MOCOS: variants seen among roughly 807,000 people sequenced by gnomAD.
MOCOS encodes human molybdenum cofactor sulfurase.
In MOCOS, 86 loss-of-function variants were observed where a neutral mutation model predicts 83.6. That is an observed-to-expected ratio of 1.03 (90% CI 0.86 to 1.23). The LOEUF (loss-of-function observed/expected upper bound fraction) is 1.23. Among genes scored for constraint, MOCOS ranks in the 50% most tolerant of loss-of-function variants. The pLI, the probability that MOCOS is intolerant of heterozygous loss-of-function variation, is 0.00. For missense variants in MOCOS, 1,120 were observed against 1,126.9 expected (o/e 0.99, Z 0.09); for synonymous variants, 445 against 434.7 (o/e 1.02, Z -0.29).
intron 13 of MOCOS, among the ~76,000 whole-genome samples, chr18:36,262,802 G>A (rs1396064400): frequency 6.6e-6 from 1 of 152,224 alleles, no homozygotes; most frequent in Non-Finnish European, 1.5e-5. Context: ...TGGCAATACT[G>A]TGCCTTTCAA....
chr18:36,264,710 G>A (rs76218040), intron 13 of MOCOS, among the ~76,000 whole-genome samples: 21 of 152,046 alleles, frequency 1.4e-4, no homozygotes, highest in South Asian at 4.2e-4. Context: ...TCTTGACTTC[G>A]GTACCACAGG....
At chr18:36,266,973 G>C in intron 14 of MOCOS, 120 bp downstream of exon 14, 1 of 815,316 alleles carries the variant, frequency 1.2e-6, no homozygotes, top group Non-Finnish European at 2.1e-6. Flanking sequence ...CCCATCCAAA[G>C]CTGTTGGGCT....
In MOCOS at chr18:36,248,908, C is replaced by G; in HGVS notation, c.1961-14C>G. The G allele has an allele frequency of 6.2e-7, 1 of 1,609,898 alleles. No individual in the cohort carries two copies. Among genetic ancestry groups the G allele is most frequent in the South Asian group, 1.1e-5 (1 of 90,966 alleles). On this transcript the variant is annotated splice_polypyrimidine_tract_variant and intron_variant, in intron 9 of 14. Transcript: ENST00000261326. ...TACATAATGATAAATTTGTTTTTAA[C>G]CTTTGTTCATTAGGGATGGAGCCTA...
rs1370376935 is a variant in MOCOS at position 36,248,933 on chromosome 18, A to G, written c.1972A>G (p.Ile658Val). The change falls in exon 10 of 15, where the codon ATA (isoleucine) becomes GTA (valine). Residue 658 changes from isoleucine to valine, a missense_variant. Ile to Val is a conservative substitution (Grantham distance 29, BLOSUM62 3). Coordinates refer to ENST00000261326, the MANE Select transcript of MOCOS (RefSeq NM_017947.4). Reference sequence around the variant, plus strand: ...CCTTTGTTCATTAGGGATGGAGCCTATAGAGGTGCCTCTTGAGGAAAATAG... The same window carrying G: ...CCTTTGTTCATTAGGGATGGAGCCTGTAGAGGTGCCTCTTGAGGAAAATAG... ...MVIKAKGMEP[I>V]EVPLEENSER... The G allele has an allele frequency of 4.3e-6, 7 of 1,613,990 alleles. No homozygotes were observed. The highest frequency in any genetic ancestry group is 1.3e-5 in the African/African-American group (1 of 75,056).
At chr18:36,243,716 C>G (rs1034160009) in intron 9 of MOCOS, among the ~76,000 whole-genome samples, 4 of 152,038 alleles carry the variant, frequency 2.6e-5, no homozygotes, top group African/African-American at 7.2e-5. Context: ...GAATGTCTGA[C>G]AGAATTCAGC....
In MOCOS at chr18:36,187,689, G is replaced by A. The variant is rs752823862; in HGVS notation, c.142+8G>A. ...AGTTCAGCCGCCTGGCAGGTGAGGCGGGCGGGCAGGCTTGGGGGACACGAG... is the reference window on the plus strand; with the variant it reads ...AGTTCAGCCGCCTGGCAGGTGAGGCAGGCGGGCAGGCTTGGGGGACACGAG... On this transcript the variant is annotated splice_region_variant and intron_variant, in intron 1 of 14. Coordinates refer to ENST00000261326, the MANE Select transcript of MOCOS (RefSeq NM_017947.4). 14 of 1,265,552 alleles carry A rather than the reference G, an allele frequency of 1.1e-5. No homozygotes were observed. The African/African-American group carries it at 2.0e-4, about 18-fold the overall frequency. 78.4% of individuals were successfully genotyped at this position (1,265,552 alleles called of 1,614,324 possible).
chr18:36,207,225 C>T (rs1217019321), intron 6 of MOCOS, among the ~76,000 whole-genome samples: 1 of 152,014 alleles, frequency 6.6e-6, no homozygotes, highest in African/African-American at 2.4e-5. Flanking sequence ...TTAGTAGAGA[C>T]AGGGTTTCAC....
intron 1 of MOCOS, among the ~76,000 whole-genome samples, chr18:36,192,996 G>C (rs73430928): frequency 0.15 from 22,359 of 152,034 alleles, 1,861 homozygotes; most frequent in East Asian, 0.32. Flanking sequence ...ATCACACTTT[G>C]CAGTTTCAAA....
chr18:36,234,365 C>G (rs751061045), intron 9 of MOCOS, among the ~76,000 whole-genome samples: 1 of 152,132 alleles, frequency 6.6e-6, no homozygotes, highest in Non-Finnish European at 1.5e-5. Flanking sequence ...TTTCTGGGTT[C>G]TTTATTCTGT....
intron 13 of MOCOS, among the ~76,000 whole-genome samples, chr18:36,265,351 T>C (rs561530874): frequency 3.5e-4 from 54 of 152,354 alleles, no homozygotes; most frequent in Admixed American, 1.7e-3. Flanking sequence ...ACTCCCTGCC[T>C]TCGTGCCATC....
At chr18:36,189,352 G>C (rs376321156) in intron 1 of MOCOS, among the ~76,000 whole-genome samples, 2 of 152,150 alleles carry the variant, frequency 1.3e-5, no homozygotes, top group African/African-American at 2.4e-5. Context: ...TCTACATTAC[G>C]GTTAAAGCAG....
intron 9 of MOCOS, among the ~76,000 whole-genome samples, chr18:36,233,772 T>C (rs1230135597): frequency 6.6e-6 from 1 of 152,216 alleles, no homozygotes; most frequent in Non-Finnish European, 1.5e-5. Flanking sequence ...TTGATTTGCA[T>C]TTCCCTGATA....
At chr18:36,205,424 T>C in intron 6 of MOCOS, 148 bp downstream of exon 6, 1 of 834,942 alleles carries the variant, frequency 1.2e-6, no homozygotes, top group Non-Finnish European at 2.0e-6. Flanking sequence ...CCCTCGTTTT[T>C]CAGTCCTCTT....
chr18:36,195,524 C>T (rs911377240), intron 2 of MOCOS, among the ~76,000 whole-genome samples, 178 bp downstream of exon 2: 9 of 152,174 alleles, frequency 5.9e-5, no homozygotes, highest in South Asian at 2.1e-4. Context: ...AACATGTGGC[C>T]GGGATGGAGG....
chr18:36,235,391 T>C (rs2091554282), intron 9 of MOCOS, among the ~76,000 whole-genome samples: 1 of 132,996 alleles, frequency 7.5e-6, no homozygotes, highest in African/African-American at 2.9e-5. Flanking sequence ...GTTTGGTTTT[T>C]TGTTCTTGTG....
In MOCOS at chr18:36,198,715, C is replaced by T. The variant is rs772169053; in HGVS notation, c.258C>T (p.Ser86=). The change falls in exon 3 of 15, where the codon AGC becomes AGT. Residue 86 remains serine (S), a synonymous_variant. Transcript: ENST00000261326. ...TYGNPHSQNI[S]SKLTHDTVEQ... ...GTAATCCTCACAGCCAGAACATCAGCAGCAAGCTCACCCATGACACTGTGG... is the reference window on the plus strand; with the variant it reads ...GTAATCCTCACAGCCAGAACATCAGTAGCAAGCTCACCCATGACACTGTGG... 1 of 1,614,174 alleles carries T rather than the reference C, an allele frequency of 6.2e-7. No individual in the cohort carries two copies. The highest frequency in any genetic ancestry group is 1.1e-5 in the South Asian group (1 of 91,086).
intron 13 of MOCOS, among the ~76,000 whole-genome samples, chr18:36,264,755 A>T (rs1391166966): frequency 2.6e-5 from 4 of 152,132 alleles, no homozygotes; most frequent in African/African-American, 9.7e-5. Flanking sequence ...TACCCAGTGC[A>T]GAATGTGAGC....
intron 6 of MOCOS, among the ~76,000 whole-genome samples, chr18:36,207,962 A>AT (rs1355350449): frequency 6.6e-6 from 1 of 151,964 alleles, no homozygotes; most frequent in East Asian, 1.9e-4. Context: ...TCTTGAGTTT[A>AT]TTTTTTTATG....
At chr18:36,248,745 T>G (rs1489939820) in intron 9 of MOCOS, among the ~76,000 whole-genome samples, 177 bp from the exon 10 acceptor site, 5 of 152,222 alleles carry the variant, frequency 3.3e-5, no homozygotes, top group African/African-American at 9.6e-5. Flanking sequence ...AGAAATCACC[T>G]GACTGTAAAT....
Sources: allele counts gnomAD v4.1 joint callset (sites outside exome capture counted in the v4.1 genomes callset), GRCh38; gene constraint gnomAD v4.1.1; transcripts MANE v1.5; gene names NCBI Gene and HGNC (gene_info 2026-07-23, HGNC 2026-07-21).